The following ASTN2 variants were observed in gnomAD, a reference collection of about 807,000 sequenced individuals.
ASTN2 encodes astrotactin-2.
In ASTN2, 54 loss-of-function variants were observed where a neutral mutation model predicts 139.8. The ratio of observed to expected loss-of-function variants is 0.39; its 90% confidence interval spans 0.31 to 0.48. ASTN2 has a LOEUF of 0.48. Among genes scored for constraint, ASTN2 ranks in the 20% least tolerant of loss-of-function variants. The probability of loss-of-function intolerance (pLI) is 0.95; values close to 1 mark genes in which losing one functional copy is unlikely to be tolerated. For missense variants in ASTN2, 1,565 were observed against 1,725.1 expected, an observed-to-expected ratio of 0.91 and a Z score of 1.64; for synonymous variants, 756 against 719.5, an observed-to-expected ratio of 1.05 and a Z score of -0.81.
At chr9:116,486,156 T>G (rs1442969951) in intron 20 of ASTN2, among the ~76,000 whole-genome samples, 2 of 152,216 alleles carry the variant, frequency 1.3e-5, no homozygotes, top group African/African-American at 4.8e-5. Flanking sequence ...AAAGCCAGAT[T>G]TGAATCCATA....
At chr9:117,398,222 T>C in intron 1 of ASTN2, among the ~76,000 whole-genome samples, 1 of 152,182 alleles carries the variant, frequency 6.6e-6, no homozygotes, top group East Asian at 1.9e-4. Context: ...GCTGGCTTAA[T>C]GTTAATTATA....
intron 1 of ASTN2, among the ~76,000 whole-genome samples, chr9:117,410,123 A>C (rs1831121148): frequency 6.6e-6 from 1 of 152,202 alleles, no homozygotes; most frequent in Admixed American, 6.5e-5. Context: ...ATTACTAAAA[A>C]ATGTTGACAA....
intron 1 of ASTN2, among the ~76,000 whole-genome samples, chr9:117,372,847 T>C (rs1184860654): frequency 6.6e-6 from 1 of 152,146 alleles, no homozygotes; most frequent in Non-Finnish European, 1.5e-5. Flanking sequence ...TCAAGCAGAT[T>C]CTTGTTTGTA....
intron 1 of ASTN2, among the ~76,000 whole-genome samples, chr9:117,318,841 T>C (rs1456171372): frequency 6.6e-6 from 1 of 152,196 alleles, no homozygotes; most frequent in Non-Finnish European, 1.5e-5. Flanking sequence ...GCCCAGGTTC[T>C]GAGATCTTAT....
intron 19 of ASTN2, among the ~76,000 whole-genome samples, chr9:116,572,604 T>C (rs1564126099): frequency 6.7e-6 from 1 of 150,176 alleles, no homozygotes. Context: ...CCTACTTGGG[T>C]CTCAGCCCCA....
At chr9:116,953,978 T>C (rs1015449741) in intron 10 of ASTN2, among the ~76,000 whole-genome samples, 12 of 152,220 alleles carry the variant, frequency 7.9e-5, no homozygotes, top group African/African-American at 2.9e-4. Flanking sequence ...TCCATGTATG[T>C]ATGGACATGT....
At chr9:116,704,622 G>A (rs1283232927) in intron 16 of ASTN2, among the ~76,000 whole-genome samples, 2 of 152,330 alleles carry the variant, frequency 1.3e-5, no homozygotes, top group South Asian at 4.1e-4. Flanking sequence ...ACACATTCAA[G>A]TGAAAGCCAG....
chr9:117,068,982 G>T (rs1345841231), intron 5 of ASTN2, among the ~76,000 whole-genome samples: 8 of 105,380 alleles, frequency 7.6e-5, no homozygotes, highest in Admixed American at 2.1e-4. Context: ...TTGATTTTTT[G>T]AAGGGTTTTT....
chr9:116,436,785 A>C (rs1317339281), intron 22 of ASTN2, among the ~76,000 whole-genome samples: 5 of 152,156 alleles, frequency 3.3e-5, no homozygotes, highest in African/African-American at 9.6e-5. Flanking sequence ...CACTATTCAC[A>C]ATAGCAAAGA....
chr9:117,097,387 T>G (rs1465238668), intron 4 of ASTN2, among the ~76,000 whole-genome samples: 2 of 152,226 alleles, frequency 1.3e-5, no homozygotes, highest in African/African-American at 4.8e-5. Flanking sequence ...TGCTTTCTGC[T>G]TTTTTAATTG....
chr9:117,107,066 A>T (rs1400881666), intron 4 of ASTN2, among the ~76,000 whole-genome samples: 1 of 152,164 alleles, frequency 6.6e-6, no homozygotes, highest in African/African-American at 2.4e-5. Context: ...ATAAATATAG[A>T]TTGCTTATGG....
intron 1 of ASTN2, among the ~76,000 whole-genome samples, chr9:117,345,346 A>G (rs1411104324): frequency 3.3e-5 from 5 of 152,228 alleles, no homozygotes; most frequent in Admixed American, 2.6e-4. Context: ...TACAACCTAA[A>G]GGAGCATCAG....
At chr9:116,568,533 T>C (rs1366134041) in intron 19 of ASTN2, 3 of 152,200 alleles carry the variant, frequency 2.0e-5, no homozygotes, top group African/African-American at 7.2e-5. Flanking sequence ...ATAAATCTTC[T>C]TGCTGAATGA....
At chr9:116,879,695 A>C (rs1405606166) in intron 10 of ASTN2, among the ~76,000 whole-genome samples, 1 of 152,204 alleles carries the variant, frequency 6.6e-6, no homozygotes, top group East Asian at 1.9e-4. Flanking sequence ...CAAATGAATG[A>C]ATAAAAACAC....
At chr9:116,533,573 G>A (rs536740186) in intron 19 of ASTN2, among the ~76,000 whole-genome samples, 11 of 152,256 alleles carry the variant, frequency 7.2e-5, no homozygotes, top group South Asian at 2.1e-4. Context: ...AGCATGAAGC[G>A]CTGTTGAATT....
chr9:116,622,476 G>GCA (rs1856210636), intron 17 of ASTN2, among the ~76,000 whole-genome samples: 1 of 152,180 alleles, frequency 6.6e-6, no homozygotes, highest in Non-Finnish European at 1.5e-5. Context: ...GCATTAAAAT[G>GCA]TAATCATCAC....
Position 117,270,093 on chromosome 9 carries a change from C to CA in ASTN2, c.630+21232dup, listed in dbSNP as rs1447542434. ...TGTCCACCTTTTATCCTCAGTGTCA[C>CA]ATTACTAGCTGTGCGAGTTTGAAGG... On this transcript the variant is annotated intron_variant, in intron 2 of 22. Coordinates refer to ENST00000313400, the MANE Select transcript of ASTN2 (RefSeq NM_001365068.1). Among the ~76,000 whole-genome samples the CA allele has an allele frequency of 2.0e-5, 3 of 152,170 alleles. 1 individual carries two copies. The highest frequency in any genetic ancestry group is 1.3e-4 in the Admixed American group (2 of 15,278).
At chr9:116,536,976 G>C (rs1851659144) in intron 19 of ASTN2, among the ~76,000 whole-genome samples, 1 of 152,220 alleles carries the variant, frequency 6.6e-6, no homozygotes, top group African/African-American at 2.4e-5. Flanking sequence ...GAGGCAGGCA[G>C]GCCTCCTTGA....
At chr9:117,170,975 G>C (rs547491527) in intron 3 of ASTN2, among the ~76,000 whole-genome samples, 2 of 152,196 alleles carry the variant, frequency 1.3e-5, no homozygotes, top group African/African-American at 4.8e-5. Flanking sequence ...AGGGCAGCAT[G>C]GTTCTAGGCT....
Sources: allele counts gnomAD v4.1 joint callset (sites outside exome capture counted in the v4.1 genomes callset), GRCh38; gene constraint gnomAD v4.1.1; transcripts MANE v1.5; gene names NCBI Gene and HGNC (gene_info 2026-07-23, HGNC 2026-07-21).